The following NRG1 variants were observed in gnomAD, a reference collection of about 807,000 sequenced individuals.
NRG1 encodes pro-neuregulin-1, membrane-bound isoform.
Under a neutral mutation model 63.8 loss-of-function variants are expected in NRG1, and 18 were observed. The ratio of observed to expected loss-of-function variants is 0.28; its 90% CI spans 0.19 to 0.42. NRG1 has a LOEUF of 0.42. NRG1 is among the 10% of genes least tolerant of loss of function. The pLI is 1.00. For synonymous variants in NRG1, 302 were observed against 301.3 expected, an observed-to-expected ratio of 1.00 and a Z score of -0.02; for missense variants, 762 against 814.7, an observed-to-expected ratio of 0.94 and a Z score of 0.79.
At chr8:31,903,964 A>T (rs1372039004) in intron 1 of NRG1, among the ~76,000 whole-genome samples, 1 of 152,154 alleles carries the variant, frequency 6.6e-6, no homozygotes, top group Non-Finnish European at 1.5e-5. Context: ...AACAAAAAAA[A>T]ATTTCTCTCT....
intron 1 of NRG1, among the ~76,000 whole-genome samples, chr8:31,788,665 C>T (rs1342364779): frequency 6.6e-6 from 1 of 152,146 alleles, no homozygotes; most frequent in Non-Finnish European, 1.5e-5. Context: ...GAGCAATAAA[C>T]AGTATATACC....
chr8:32,243,499 T>C (rs1302279559), intron 1 of NRG1, among the ~76,000 whole-genome samples: 1 of 151,916 alleles, frequency 6.6e-6, no homozygotes, highest in Non-Finnish European at 1.5e-5. Flanking sequence ...CATTTTAACT[T>C]GATGAGCTCT....
In NRG1 at chr8:32,321,638, A is replaced by G. The variant is rs574323883; in HGVS notation, c.38-274190A>G. 5.9e-5 allele frequency among the ~76,000 whole-genome samples: 9 copies of G among 152,008 alleles called. No homozygotes were observed. In the East Asian group the frequency reaches 1.7e-3, roughly 29 times the overall value. ...TTTAAATGAAACCAATAGCTTCACT[A>G]GTGATCTCATAACCTCAAAGCACTT... On this transcript the variant is annotated intron_variant, in intron 1 of 10. Transcript: ENST00000519301.
chr8:31,999,685 G>A (rs1025649523), intron 1 of NRG1, among the ~76,000 whole-genome samples: 1 of 151,842 alleles, frequency 6.6e-6, no homozygotes, highest in Admixed American at 6.6e-5. Context: ...ATAAAGCACT[G>A]AGTTAAAGAG....
chr8:32,736,822 A>G (rs1465251351), intron 6 of NRG1, among the ~76,000 whole-genome samples: 1 of 152,186 alleles, frequency 6.6e-6, no homozygotes, highest in Non-Finnish European at 1.5e-5. Context: ...TGTGGTTTAT[A>G]AAATTAGCCA....
chr8:31,733,308 G>C (rs989082843), intron 1 of NRG1, among the ~76,000 whole-genome samples: 1 of 152,040 alleles, frequency 6.6e-6, no homozygotes, highest in African/African-American at 2.4e-5. Context: ...TTGATATAAA[G>C]ATTTCTCTTC....
chr8:32,472,450 G>T (rs1222349489), intron 1 of NRG1, among the ~76,000 whole-genome samples: 18 of 152,226 alleles, frequency 1.2e-4, no homozygotes, highest in Admixed American at 1.2e-3. Context: ...GATTACAGGT[G>T]TGAGCCACCG....
At chr8:32,532,020 C>T (rs1340217740) in intron 1 of NRG1, among the ~76,000 whole-genome samples, 1 of 152,166 alleles carries the variant, frequency 6.6e-6, no homozygotes, top group Non-Finnish European at 1.5e-5. Flanking sequence ...TGCTCCCTGA[C>T]ATACTAGAAT....
chr8:31,780,420 C>A (rs1313577642), intron 1 of NRG1, among the ~76,000 whole-genome samples: 1 of 152,126 alleles, frequency 6.6e-6, no homozygotes, highest in African/African-American at 2.4e-5. Context: ...TGTTTCCTAT[C>A]ACCTGTAGAA....
intron 1 of NRG1, among the ~76,000 whole-genome samples, chr8:32,308,326 C>T (rs1856453319): frequency 6.6e-6 from 1 of 152,154 alleles, no homozygotes; most frequent in Non-Finnish European, 1.5e-5. Flanking sequence ...TATGAGCTGC[C>T]ATGTGTTTGC....
chr8:32,631,168 TA>T (rs76181958), intron 5 of NRG1, among the ~76,000 whole-genome samples: 2 of 152,110 alleles, frequency 1.3e-5, no homozygotes, highest in Admixed American at 6.5e-5. Context: ...TAACTTTTTT[TA>T]AAAAAAAGAA....
At chr8:31,861,991 T>C (rs1828515719) in intron 1 of NRG1, among the ~76,000 whole-genome samples, 1 of 152,168 alleles carries the variant, frequency 6.6e-6, no homozygotes, top group East Asian at 1.9e-4. Flanking sequence ...TTTCGCAAGC[T>C]GAGTAGAGTC....
At chr8:32,241,057 G>A (rs757100200) in intron 1 of NRG1, among the ~76,000 whole-genome samples, 19 of 152,110 alleles carry the variant, frequency 1.2e-4, no homozygotes, top group Non-Finnish European at 2.4e-4. Flanking sequence ...GGTTCTCAAA[G>A]TTCAGCATGC....
intron 1 of NRG1, among the ~76,000 whole-genome samples, chr8:32,163,622 G>A (rs1770141383): frequency 6.6e-6 from 1 of 152,126 alleles, no homozygotes; most frequent in Non-Finnish European, 1.5e-5. Context: ...TTTCAGAAAT[G>A]TTATCTTATG....
intron 1 of NRG1, among the ~76,000 whole-genome samples, chr8:32,234,607 A>G (rs1398327391): frequency 6.6e-6 from 1 of 152,226 alleles, no homozygotes; most frequent in African/African-American, 2.4e-5. Flanking sequence ...GTTGAAATCC[A>G]CAAAAGGAAT....
rs34893626 is a variant in NRG1, at chr8:31,834,330, C to CACAT, written c.37+194899_37+194900insACAT. Among the ~76,000 whole-genome samples the CACAT allele has an allele frequency of 8.0e-3, 1,219 of 151,474 alleles. 10 individuals are homozygous for CACAT. Among genetic ancestry groups the CACAT allele is most frequent in the African/African-American group, 0.026 (1,055 of 41,278 alleles). On this transcript the variant is annotated intron_variant, in intron 1 of 10. Transcript: ENST00000519301. ...GCGCACACACACACACACACACACA[C>CACAT]GCACACCAATTTGTTTAAAATAAAA...
chr8:32,130,126 G>A (rs186845579), intron 1 of NRG1, among the ~76,000 whole-genome samples: 18 of 151,970 alleles, frequency 1.2e-4, no homozygotes, highest in African/African-American at 4.3e-4. Context: ...GATCTCTGTG[G>A]TTAGACATTC....
At chr8:32,299,479 A>T (rs1760429213) in intron 1 of NRG1, among the ~76,000 whole-genome samples, 1 of 152,218 alleles carries the variant, frequency 6.6e-6, no homozygotes, top group Non-Finnish European at 1.5e-5. Flanking sequence ...TCATTTTGAA[A>T]GTCAAGTAGA....
chr8:32,062,845 T>C (rs1301955725), intron 1 of NRG1, among the ~76,000 whole-genome samples: 1 of 152,120 alleles, frequency 6.6e-6, no homozygotes, highest in East Asian at 1.9e-4. Context: ...TGATTACAGA[T>C]GTATTCTCTT....
Sources: allele counts gnomAD v4.1 joint callset (sites outside exome capture counted in the v4.1 genomes callset), GRCh38; gene constraint gnomAD v4.1.1; transcripts MANE v1.5; gene names NCBI Gene and HGNC (gene_info 2026-07-23, HGNC 2026-07-21).